Variants in NELL1 observed in about 807,000 individuals in gnomAD.
NELL1 encodes the protein neural EGFL like 1, also known as protein kinase C-binding protein NELL1.
A neutral mutation model predicts 107.4 loss-of-function variants in NELL1; 76 were observed. The observed-to-expected ratio is 0.71, with a 90% CI of 0.59 to 0.86. The LOEUF (loss-of-function observed/expected upper bound fraction) is 0.86, where lower values mean the gene tolerates loss of function less well. NELL1 is among the 40% of genes least tolerant of loss of function. The pLI is 0.00. For synonymous variants in NELL1, 353 were observed against 341.2 expected (o/e 1.03, Z -0.38); for missense variants, 1,024 against 1,005.5 (o/e 1.02, Z -0.25).
chr11:20,876,888 A>G (rs966962476), intron 4 of NELL1, among the ~76,000 whole-genome samples: 3 of 152,212 alleles, frequency 2.0e-5, no homozygotes, highest in African/African-American at 7.2e-5. Flanking sequence ...ATAACAACCT[A>G]TGGACTGAAT....
At chr11:21,111,790 G>T (rs1312499577) in intron 12 of NELL1, among the ~76,000 whole-genome samples, 1 of 152,030 alleles carries the variant, frequency 6.6e-6, no homozygotes, top group African/African-American at 2.4e-5. Context: ...TGTGCTATGT[G>T]CCCAGAGAGT....
At chr11:21,568,818 CT>C (rs1156429704) in intron 17 of NELL1, among the ~76,000 whole-genome samples, 1 of 151,436 alleles carries the variant, frequency 6.6e-6, no homozygotes, top group Non-Finnish European at 1.5e-5. Flanking sequence ...ATAACAATGC[CT>C]TCTTCTGGAA....
intron 15 of NELL1, among the ~76,000 whole-genome samples, chr11:21,527,243 C>A: frequency 6.6e-6 from 1 of 152,146 alleles, no homozygotes; most frequent in East Asian, 1.9e-4. Flanking sequence ...CTGAGACCAC[C>A]TCAGCCTGGA....
intron 2 of NELL1, among the ~76,000 whole-genome samples, chr11:20,711,913 A>G (rs753300338): frequency 2.0e-5 from 3 of 152,116 alleles, no homozygotes; most frequent in Non-Finnish European, 4.4e-5. Context: ...CTTCTTGTCT[A>G]AATTTCTAGA....
chr11:21,421,435 T>C (rs1000637667), intron 15 of NELL1, among the ~76,000 whole-genome samples: 2 of 152,112 alleles, frequency 1.3e-5, no homozygotes, highest in African/African-American at 4.8e-5. Flanking sequence ...CTGGAGCATA[T>C]TGGATGAAGC....
chr11:20,689,833 T>C (rs1854412878), intron 2 of NELL1, among the ~76,000 whole-genome samples: 1 of 151,620 alleles, frequency 6.6e-6, no homozygotes, highest in African/African-American at 2.4e-5. Flanking sequence ...ATGGTATTTC[T>C]AGTTCTAGAT....
intron 16 of NELL1, among the ~76,000 whole-genome samples, chr11:21,555,712 C>T (rs1856687876): frequency 6.6e-6 from 1 of 151,894 alleles, no homozygotes; most frequent in Non-Finnish European, 1.5e-5. Flanking sequence ...TACATAGCAG[C>T]ATCTCAAATA....
At chr11:20,961,766 C>A (rs1221603683) in intron 12 of NELL1, among the ~76,000 whole-genome samples, 1 of 152,046 alleles carries the variant, frequency 6.6e-6, no homozygotes, top group African/African-American at 2.4e-5. Flanking sequence ...AGAGTGGATT[C>A]TGCAGAGCCT....
intron 2 of NELL1, among the ~76,000 whole-genome samples, chr11:20,728,801 T>C (rs1855565383): frequency 6.6e-6 from 1 of 152,210 alleles, no homozygotes; most frequent in African/African-American, 2.4e-5. Flanking sequence ...CTATTTTTGG[T>C]TCCATGTGAA....
At chr11:21,332,909 T>C (rs1850303909) in intron 14 of NELL1, among the ~76,000 whole-genome samples, 1 of 152,064 alleles carries the variant, frequency 6.6e-6, no homozygotes. Flanking sequence ...TGAGATTATT[T>C]TTGGTATAAG....
At chr11:20,816,179 C>G (rs1380876303) in intron 3 of NELL1, among the ~76,000 whole-genome samples, 1 of 151,880 alleles carries the variant, frequency 6.6e-6, no homozygotes, top group Admixed American at 6.6e-5. Flanking sequence ...TTTTTCAATT[C>G]TGTTAAAAAT....
At chr11:21,334,308 T>C (rs1590846073) in intron 14 of NELL1, among the ~76,000 whole-genome samples, 2 of 152,086 alleles carry the variant, frequency 1.3e-5, no homozygotes, top group South Asian at 4.1e-4. Flanking sequence ...TTTTAGGCTT[T>C]TTGAGCCAAT....
At chr11:21,129,907 C>T (rs1855576226) in intron 13 of NELL1, among the ~76,000 whole-genome samples, 1 of 152,004 alleles carries the variant, frequency 6.6e-6, no homozygotes, top group East Asian at 1.9e-4. Flanking sequence ...AAGAGAGTAA[C>T]CATTATGTTA....
chr11:21,319,533 G>A (rs1032563886), intron 14 of NELL1, among the ~76,000 whole-genome samples: 1 of 143,712 alleles, frequency 7.0e-6, no homozygotes, highest in African/African-American at 2.6e-5. Context: ...GTAGAGACAG[G>A]TTTTTAACAT....
intron 16 of NELL1, among the ~76,000 whole-genome samples, chr11:21,535,625 A>C (rs1397934783): frequency 6.6e-6 from 1 of 152,212 alleles, no homozygotes; most frequent in East Asian, 1.9e-4. Context: ...AGATGTTGGC[A>C]GTCAAATTCT....
chr11:21,144,424 G>A (rs954263504), intron 13 of NELL1, among the ~76,000 whole-genome samples: 15 of 152,264 alleles, frequency 9.9e-5, no homozygotes, highest in African/African-American at 3.1e-4. Context: ...TGTGTTGGAG[G>A]CTAAACCTGG....
chr11:21,062,568 T>G (rs1853767181), intron 12 of NELL1, among the ~76,000 whole-genome samples: 1 of 152,202 alleles, frequency 6.6e-6, no homozygotes, highest in Admixed American at 6.5e-5. Flanking sequence ...CTTTAGTGTT[T>G]GAGGGACTAT....
chr11:20,730,416 G>A (rs1025418367), intron 2 of NELL1, among the ~76,000 whole-genome samples: 9 of 152,146 alleles, frequency 5.9e-5, no homozygotes, highest in African/African-American at 2.2e-4. Context: ...AAAGATGTGT[G>A]CAGTCTGTCA....
chr11:20,915,717 A>ATATATATTTTTT, intron 5 of NELL1, among the ~76,000 whole-genome samples: 2 of 58,224 alleles, frequency 3.4e-5, no homozygotes, highest in African/African-American at 8.8e-5. Flanking sequence ...ATATATATAT[A>ATATATATTTTTT]TTTTTTTTTT....
Sources: allele counts gnomAD v4.1 joint callset (sites outside exome capture counted in the v4.1 genomes callset), GRCh38; gene constraint gnomAD v4.1.1; transcripts MANE v1.5; gene names NCBI Gene and HGNC (gene_info 2026-07-23, HGNC 2026-07-21).